ZNF148: variants seen among roughly 807,000 people sequenced by gnomAD.
ZNF148 encodes Beta-Enolase Repressor Factor-1.
In ZNF148, 7 loss-of-function variants were observed where a neutral mutation model predicts 67.7. That is an observed-to-expected ratio of 0.10 (90% confidence interval 0.06 to 0.19). The LOEUF is 0.19. Ranked by LOEUF, ZNF148 falls within the 10% of genes least tolerant of loss-of-function variation. The pLI, the probability that ZNF148 is intolerant of heterozygous loss-of-function variation, is 1.00. For synonymous variants in ZNF148, 333 were observed against 330.7 expected, an observed-to-expected ratio of 1.01 and a Z score of -0.08; for missense variants, 583 against 947.1, an observed-to-expected ratio of 0.62 and a Z score of 5.05.
At chr3:125,255,879 T>C (rs1937050897) in intron 7 of ZNF148, among the ~76,000 whole-genome samples, 1 of 152,100 alleles carries the variant, frequency 6.6e-6, no homozygotes, top group Non-Finnish European at 1.5e-5. Context: ...TTTAAAATCT[T>C]CTTGGTCTTT....
chr3:125,249,364 T>C (rs2054656202), intron 7 of ZNF148, among the ~76,000 whole-genome samples: 1 of 152,110 alleles, frequency 6.6e-6, no homozygotes, highest in Non-Finnish European at 1.5e-5. Flanking sequence ...GCAAAGGACC[T>C]GAATATACAT....
At chr3:125,369,119 G>C (rs371985939) in intron 1 of ZNF148, among the ~76,000 whole-genome samples, 2 of 151,070 alleles carry the variant, frequency 1.3e-5, no homozygotes, top group East Asian at 3.9e-4. Flanking sequence ...AAAATTAGCT[G>C]GGTGTGCTGG....
intron 4 of ZNF148, among the ~76,000 whole-genome samples, chr3:125,291,964 AT>A (rs1383585484): frequency 1.3e-5 from 2 of 152,222 alleles, no homozygotes; most frequent in Non-Finnish European, 2.9e-5. Flanking sequence ...GTATAACACA[AT>A]TAACTGTACT....
chr3:125,356,034 C>T (rs112553686), intron 1 of ZNF148, among the ~76,000 whole-genome samples: 9 of 152,222 alleles, frequency 5.9e-5, no homozygotes, highest in African/African-American at 1.9e-4. Flanking sequence ...AGAACACTCG[C>T]ATGAAAAATA....
intron 7 of ZNF148, among the ~76,000 whole-genome samples, chr3:125,272,583 T>A (rs1360023825): frequency 2.0e-5 from 3 of 152,094 alleles, no homozygotes; most frequent in Non-Finnish European, 2.9e-5. Context: ...ACAAAAAAAA[T>A]TTAAGTATGG....
intron 2 of ZNF148, among the ~76,000 whole-genome samples, chr3:125,326,781 T>C (rs1330986799): frequency 6.8e-6 from 1 of 147,708 alleles, no homozygotes; most frequent in East Asian, 1.9e-4. Flanking sequence ...TATCTTTATA[T>C]ACATACATCA....
At chr3:125,371,005 A>T (rs1942860946) in intron 1 of ZNF148, among the ~76,000 whole-genome samples, 1 of 152,022 alleles carries the variant, frequency 6.6e-6, no homozygotes, top group Admixed American at 6.6e-5. Context: ...TCCCTACTAC[A>T]TCCCCCCAAA....
In ZNF148 at chr3:125,233,272, C is replaced by T; in HGVS notation, c.1454G>A (p.Arg485Lys). The T allele has an allele frequency of 1.9e-6, 3 of 1,613,856 alleles. No individual in the cohort carries two copies. The highest frequency in any genetic ancestry group is 2.5e-6 in the Non-Finnish European group (3 of 1,179,852). The change falls in exon 9 of 9, where the codon AGG (arginine) becomes AAG (lysine). Residue 485 changes from arginine to lysine, a missense_variant. By Grantham distance (26) the Arg-to-Lys change is conservative. Coordinates refer to ENST00000360647, the MANE Select transcript of ZNF148 (RefSeq NM_021964.3). This position sits in a 1 kb window ranked among gnomAD's most constrained non-coding sequence, Gnocchi z 5.1. ...GGTACCCACATTCAGCGCATATTCC[C>T]TGCTGTTGTTACTTGCTGCTTGAAG... is the stretch of plus-strand genomic sequence containing the variant. ...RYLQAASNNS[R>K]EYALNVGTIA...
chr3:125,266,365 C>T (rs1937530025), intron 7 of ZNF148, among the ~76,000 whole-genome samples: 1 of 152,058 alleles, frequency 6.6e-6, no homozygotes, highest in Admixed American at 6.6e-5. Context: ...GGAAGTCATA[C>T]CAAGCACATT....
Position 125,311,215 on chromosome 3 carries a change from CA to C in ZNF148, c.333+2092del. On this transcript the variant is annotated intron_variant, in intron 4 of 8. Coordinates refer to ENST00000360647, the MANE Select transcript of ZNF148 (RefSeq NM_021964.3). ...TTGGTGCTGTACTGTTTAATTTTGG[CA>C]AAAAAAAGTTTAAAGTCAGAAAAAG... 8 of 158,616 alleles carry C rather than the reference CA, an allele frequency of 5.0e-5. No homozygotes were observed. The East Asian group carries it at 5.3e-4, about 10-fold the overall frequency. The allele number at this position is 158,616 out of a possible 1,614,324, so 9.8% of individuals were successfully genotyped here. A position where few individuals can be genotyped will look rare whatever the true frequency, so the allele number is the denominator to read the frequency against.
intron 1 of ZNF148, among the ~76,000 whole-genome samples, chr3:125,371,291 G>A (rs1942870589): frequency 6.7e-6 from 1 of 148,708 alleles, no homozygotes; most frequent in Admixed American, 6.8e-5. Flanking sequence ...AGGAGGTGGA[G>A]GCTGCAGTGA....
intron 1 of ZNF148, among the ~76,000 whole-genome samples, chr3:125,341,073 C>T (rs1941701906): frequency 7.6e-6 from 1 of 131,628 alleles, no homozygotes; most frequent in Non-Finnish European, 1.7e-5. Flanking sequence ...AAAAGAAAAT[C>T]AACCAAAGCC....
intron 7 of ZNF148, among the ~76,000 whole-genome samples, chr3:125,277,203 G>A (rs1238098076): frequency 6.6e-6 from 1 of 152,182 alleles, no homozygotes; most frequent in Non-Finnish European, 1.5e-5. Context: ...GCTCTAAAAT[G>A]AGACTTAGGT....
intron 1 of ZNF148, among the ~76,000 whole-genome samples, chr3:125,358,474 C>T (rs1942438234): frequency 6.6e-6 from 1 of 152,210 alleles, no homozygotes; most frequent in Non-Finnish European, 1.5e-5. Context: ...TGTCTGTTCT[C>T]ATTTCCTCAA....
chr3:125,326,418 A>T (rs2107700575), intron 2 of ZNF148, among the ~76,000 whole-genome samples: 1 of 152,128 alleles, frequency 6.6e-6, no homozygotes, highest in Middle Eastern at 3.4e-3. Flanking sequence ...AGTTTATCTT[A>T]CTGATAATAA....
intron 1 of ZNF148, among the ~76,000 whole-genome samples, chr3:125,365,381 C>A (rs773893993): frequency 6.6e-6 from 1 of 152,170 alleles, no homozygotes; most frequent in East Asian, 1.9e-4. Context: ...CCACAGTCCA[C>A]GTATTTAGTT....
chr3:125,370,240 T>C (rs1942835506), intron 1 of ZNF148, among the ~76,000 whole-genome samples: 1 of 152,202 alleles, frequency 6.6e-6, no homozygotes, highest in South Asian at 2.1e-4. Flanking sequence ...AATTCCATTC[T>C]AATCCAGTCT....
chr3:125,270,248 T>C (rs1251800854), intron 7 of ZNF148, among the ~76,000 whole-genome samples: 1 of 151,984 alleles, frequency 6.6e-6, no homozygotes, highest in Non-Finnish European at 1.5e-5. Context: ...GGCTCAGGCC[T>C]ATAATCCCAG....
intron 3 of ZNF148, among the ~76,000 whole-genome samples, chr3:125,322,601 C>T (rs1048826882): frequency 6.6e-6 from 1 of 152,096 alleles, no homozygotes; most frequent in Non-Finnish European, 1.5e-5. Flanking sequence ...TGGTAACCAT[C>T]CTCGCCCACA....
Sources: gnomAD v4.1 joint callset for allele counts (sites outside exome capture counted in the v4.1 genomes callset) on GRCh38, gnomAD v4.1.1 for gene constraint, Gnocchi (gnomAD v3.1) non-coding constraint, MANE v1.5 for transcripts, NCBI Gene and HGNC (gene_info 2026-07-23, HGNC 2026-07-21) for gene names.